The following WDR27 variants were observed in gnomAD, a reference collection of about 807,000 sequenced individuals.
The protein encoded by WDR27 is WD repeat domain 27.
A neutral mutation model predicts 114.4 loss-of-function variants in WDR27; 100 were observed. That is an observed-to-expected ratio of 0.87 (90% CI 0.74 to 1.03). The LOEUF (loss-of-function observed/expected upper bound fraction) is 1.03, where lower values mean the gene tolerates loss of function less well. Ranked by LOEUF, WDR27 falls within the 50% of genes least tolerant of loss-of-function variation. The pLI is 0.00. For missense variants in WDR27, 1,129 were observed against 1,092.9 expected, an observed-to-expected ratio of 1.03 and a Z score of -0.47; for synonymous variants, 449 against 423.1, an observed-to-expected ratio of 1.06 and a Z score of -0.75.
At chr6:169,557,312 A>G (rs1156630296) in intron 25 of WDR27, among the ~76,000 whole-genome samples, 3 of 152,260 alleles carry the variant, frequency 2.0e-5, no homozygotes, top group African/African-American at 7.2e-5. Flanking sequence ...CATTCATGTG[A>G]CAACCCGGAA....
intron 1 of WDR27, among the ~76,000 whole-genome samples, chr6:169,696,562 A>C (rs538445862): frequency 2.6e-5 from 4 of 152,276 alleles, no homozygotes; most frequent in African/African-American, 9.6e-5. Flanking sequence ...GAGAAAGACA[A>C]TCCGAAGACC....
At chr6:169,696,100 C>A (rs1006920008) in intron 1 of WDR27, among the ~76,000 whole-genome samples, 3 of 152,218 alleles carry the variant, frequency 2.0e-5, no homozygotes, top group African/African-American at 7.2e-5. Flanking sequence ...ACCACCAAAT[C>A]TGCATTAGTT....
chr6:169,492,593 G>A (rs1440550383), intron 25 of WDR27, among the ~76,000 whole-genome samples: 2 of 151,820 alleles, frequency 1.3e-5, no homozygotes, highest in African/African-American at 4.8e-5. Flanking sequence ...AGGTGTGAGG[G>A]CAAAATGAAG....
In WDR27 at chr6:169,571,271, T is replaced by A. The variant is rs201437997; in HGVS notation, c.2645+1148A>T. ...AGTCAGAAAAAAATTAAAAAAAAAA[T>A]AAATAAAAAGATGACTCAATGAAGA... On this transcript the variant is annotated intron_variant, in intron 25 of 25. Coordinates refer to ENST00000448612, the MANE Select transcript of WDR27 (RefSeq NM_182552.5). Among the ~76,000 whole-genome samples, 191 of 110,892 alleles carry A rather than the reference T, an allele frequency of 1.7e-3. 4 individuals are homozygous for A. Among genetic ancestry groups the A allele is most frequent in the Admixed American group, 0.011 (132 of 11,532 alleles). 72.7% of individuals were successfully genotyped at this position (110,892 alleles called of 152,430 possible).
At chr6:169,449,998 C>A in the WDR27 span, among the ~76,000 whole-genome samples, 1 of 152,128 alleles carries the variant, frequency 6.6e-6, no homozygotes, top group African/African-American at 2.4e-5. Context: ...TTAAAATTTT[C>A]TTTGTATATT....
chr6:169,526,302 T>C (rs1794963101), intron 25 of WDR27, among the ~76,000 whole-genome samples: 1 of 152,182 alleles, frequency 6.6e-6, no homozygotes, highest in African/African-American at 2.4e-5. Context: ...AGATGATTCT[T>C]TGATGTGACA....
intron 21 of WDR27, among the ~76,000 whole-genome samples, chr6:169,615,404 T>C (rs1182090565): frequency 6.6e-6 from 1 of 152,136 alleles, no homozygotes; most frequent in African/African-American, 2.4e-5. Context: ...CAGACCCCAG[T>C]GTCTGTGGTT....
intron 13 of WDR27, among the ~76,000 whole-genome samples, chr6:169,653,017 C>T (rs1389384025): frequency 6.6e-6 from 1 of 152,192 alleles, no homozygotes; most frequent in Non-Finnish European, 1.5e-5. Flanking sequence ...CTCGTGTCTC[C>T]TTCACGACAG....
At chr6:169,643,620 C>T in intron 17 of WDR27, 77 bp downstream of exon 17, 1 of 1,267,546 alleles carries the variant, frequency 7.9e-7, no homozygotes, top group Non-Finnish European at 1.1e-6. Flanking sequence ...CAAAAGTGTC[C>T]TTTAGCAACT....
At chr6:169,610,562 A>G (rs1178380921) in intron 22 of WDR27, among the ~76,000 whole-genome samples, 1 of 152,168 alleles carries the variant, frequency 6.6e-6, no homozygotes, top group Non-Finnish European at 1.5e-5. Context: ...TTATTTAATC[A>G]TCTCCCACTG....
the WDR27 span, among the ~76,000 whole-genome samples, chr6:169,443,777 G>C: frequency 5.3e-5 from 8 of 152,270 alleles, 1 homozygote; most frequent in African/African-American, 1.9e-4. Flanking sequence ...GGTCCTCATA[G>C]CAGGGGCAGC....
chr6:169,548,342 C>T (rs984665542), intron 25 of WDR27, among the ~76,000 whole-genome samples: 8 of 151,994 alleles, frequency 5.3e-5, no homozygotes, highest in African/African-American at 1.9e-4. Context: ...CTGAAATTTA[C>T]ATAGAAAGGC....
chr6:169,426,457 C>G, the WDR27 span: 2 of 152,278 alleles, frequency 1.3e-5, no homozygotes, highest in East Asian at 1.9e-4. Flanking sequence ...TAAAGGTTAA[C>G]CGTCTCAAAT....
chr6:169,562,216 C>T (rs1305528680), intron 25 of WDR27, among the ~76,000 whole-genome samples: 1 of 152,124 alleles, frequency 6.6e-6, no homozygotes, highest in Non-Finnish European at 1.5e-5. Flanking sequence ...TCGGGTACTG[C>T]GCCGCCAACA....
intron 8 of WDR27, 62 bp downstream of exon 8, chr6:169,664,104 A>C: frequency 6.9e-7 from 1 of 1,450,586 alleles, no homozygotes. Context: ...GGCCCTTGAC[A>C]TGGCGCCTGG....
At chr6:169,673,536 T>A (rs962947959) in intron 2 of WDR27, among the ~76,000 whole-genome samples, 3 of 151,764 alleles carry the variant, frequency 2.0e-5, no homozygotes, top group Admixed American at 6.6e-5. Context: ...GTAACAAGAT[T>A]ATATATAGGG....
intron 15 of WDR27, among the ~76,000 whole-genome samples, chr6:169,648,763 T>C (rs1251248839): frequency 6.6e-6 from 1 of 152,206 alleles, no homozygotes; most frequent in Non-Finnish European, 1.5e-5. Context: ...CCCAGGTGTA[T>C]GCAGGACATG....
rs1187280587 is a variant in WDR27, at chr6:169,681,436, G to T, written c.189+7381C>A. On this transcript the variant is annotated intron_variant, in intron 2 of 25. Coordinates refer to ENST00000448612, the MANE Select transcript of WDR27 (RefSeq NM_182552.5). ...CCCCAGCAGAGCCAAGATCTTAGAA[G>T]GTCATTTTGAGAGTTGAGACCCACA... 3.9e-5 allele frequency among the ~76,000 whole-genome samples: 6 copies of T among 152,334 alleles called. No homozygotes were observed. In the East Asian group the frequency reaches 1.2e-3, roughly 29 times the overall value.
chr6:169,524,356 C>A (rs1794723260), intron 25 of WDR27, among the ~76,000 whole-genome samples: 1 of 151,840 alleles, frequency 6.6e-6, no homozygotes, highest in Non-Finnish European at 1.5e-5. Flanking sequence ...TAATTCTACC[C>A]AAAGTAACTT....
Sources: gnomAD v4.1 joint callset for allele counts (sites outside exome capture counted in the v4.1 genomes callset) on GRCh38, gnomAD v4.1.1 for gene constraint, MANE v1.5 for transcripts, NCBI Gene and HGNC (gene_info 2026-07-23, HGNC 2026-07-21) for gene names.